The following HERC2 variants were observed in gnomAD, a reference collection of about 807,000 sequenced individuals.
HERC2 encodes E3 ubiquitin-protein ligase HERC2.
In HERC2, 102 loss-of-function variants were observed where a neutral mutation model predicts 537.7. The observed-to-expected ratio is 0.19, with a 90% CI of 0.16 to 0.22. HERC2 has a LOEUF of 0.22. Ranked by LOEUF, HERC2 falls within the 10% of genes least tolerant of loss-of-function variation. The pLI is 1.00. For missense variants in HERC2, 4,236 were observed against 6,198.2 expected (o/e 0.68, Z 10.63); for synonymous variants, 2,224 against 2,466.2 (o/e 0.90, Z 2.91).
intron 57 of HERC2, 148 bp from the exon 58 acceptor site, chr15:28,179,371 A>C (rs1214482569): frequency 1.5e-6 from 1 of 678,982 alleles, no homozygotes; most frequent in African/African-American, 1.8e-5. Context: ...ATACGATGGC[A>C]GTCCCAGTAG....
At chr15:28,140,096 T>A (rs1240983495) in intron 78 of HERC2, among the ~76,000 whole-genome samples, 1 of 151,150 alleles carries the variant, frequency 6.6e-6, no homozygotes, top group Non-Finnish European at 1.5e-5. Flanking sequence ...GAAGAAAACA[T>A]CTATGAAAGA....
At chr15:28,251,108 C>T (rs2075062217) in intron 20 of HERC2, among the ~76,000 whole-genome samples, 1 of 152,126 alleles carries the variant, frequency 6.6e-6, no homozygotes, top group African/African-American at 2.4e-5. Flanking sequence ...GCCGAGGACA[C>T]CAATGGAGCT....
intron 34 of HERC2, 55 bp from the exon 35 acceptor site, chr15:28,228,464 T>A: frequency 6.5e-7 from 1 of 1,536,510 alleles, no homozygotes; most frequent in Non-Finnish European, 9.0e-7. Flanking sequence ...AGAATAAACG[T>A]AACGCAGAAA....
intron 5 of HERC2, among the ~76,000 whole-genome samples, chr15:28,278,772 A>G (rs1438988735): frequency 1.3e-5 from 2 of 152,184 alleles, no homozygotes; most frequent in Non-Finnish European, 2.9e-5. Context: ...CAGGGAGTCA[A>G]AGTCACTATC....
At chr15:28,181,254 G>T (rs1895791734) in intron 57 of HERC2, among the ~76,000 whole-genome samples, 1 of 152,166 alleles carries the variant, frequency 6.6e-6, no homozygotes, top group Non-Finnish European at 1.5e-5. Context: ...CTCTGTCCTT[G>T]AAGTGAAAAC....
chr15:28,233,858 A>C, intron 27 of HERC2, 62 bp from the exon 28 acceptor site: 1 of 1,546,358 alleles, frequency 6.5e-7, no homozygotes, highest in Non-Finnish European at 8.9e-7. Context: ...CAAATCTTAA[A>C]CATGCCACAG....
At chr15:28,305,259 TTTCTAG>T (rs1244412156) in intron 2 of HERC2, among the ~76,000 whole-genome samples, 1 of 151,868 alleles carries the variant, frequency 6.6e-6, no homozygotes, top group African/African-American at 2.4e-5. Context: ...TCAAATGGTA[TTTCTAG>T]TTCTAGATCC....
At chr15:28,207,356 G>A (rs916769169) in intron 44 of HERC2, among the ~76,000 whole-genome samples, 2 of 152,038 alleles carry the variant, frequency 1.3e-5, no homozygotes, top group South Asian at 2.1e-4. Context: ...GGCTGGTCTC[G>A]AACTCCTGAC....
chr15:28,157,696 T>C (rs1444791206), intron 69 of HERC2, among the ~76,000 whole-genome samples: 4 of 152,238 alleles, frequency 2.6e-5, no homozygotes, highest in Non-Finnish European at 5.9e-5. Flanking sequence ...AACCAGCTCC[T>C]GGCTTCATTG....
chr15:28,255,582 G>A (rs959848885), intron 19 of HERC2, among the ~76,000 whole-genome samples: 3 of 152,172 alleles, frequency 2.0e-5, no homozygotes, highest in Non-Finnish European at 4.4e-5. Context: ...GGAGTATCCT[G>A]GCTGCAAGTG....
chr15:28,270,902 G>A, intron 9 of HERC2, 34 bp from the exon 10 acceptor site: 1 of 1,591,452 alleles, frequency 6.3e-7, no homozygotes, highest in African/African-American at 1.3e-5. Context: ...ATTCAGAAAT[G>A]GTGGGAAAAA....
rs1596430449 is a variant in HERC2, at chr15:28,299,369, A to G, written c.187+33T>C. The G allele has an allele frequency of 8.0e-6, 7 of 880,316 alleles. No individual in the cohort carries two copies. In the East Asian group the frequency reaches 1.4e-4, roughly 18 times the overall value. The allele number at this position is 880,316 out of a possible 1,614,324, so 54.5% of individuals were successfully genotyped here. The stretch of plus-strand genomic sequence containing the variant: ...TAAAATGCATTTTATAATGGTCTTT[A>G]CCAAATAAAAAACACTAGTTAAAGG... On this transcript the variant is annotated intron_variant, in intron 3 of 92. Transcript: ENST00000261609.
intron 69 of HERC2, among the ~76,000 whole-genome samples, chr15:28,162,615 G>T (rs1366244705): frequency 6.6e-6 from 1 of 152,084 alleles, no homozygotes; most frequent in Non-Finnish European, 1.5e-5. Flanking sequence ...AAGGGGCCAG[G>T]TTTGGTGCTC....
intron 2 of HERC2, among the ~76,000 whole-genome samples, chr15:28,309,489 T>G (rs961421528): frequency 1.3e-5 from 2 of 152,206 alleles, no homozygotes; most frequent in African/African-American, 2.4e-5. Flanking sequence ...TATGCTCTTT[T>G]GTGATTTCCA....
chr15:28,121,934 C>T (rs1390202996), intron 85 of HERC2, among the ~76,000 whole-genome samples: 1 of 138,712 alleles, frequency 7.2e-6, no homozygotes. Flanking sequence ...CAGGGAGCAC[C>T]GCGGAGCCAG....
At chr15:28,224,489 T>TA (rs771533446) in intron 35 of HERC2, among the ~76,000 whole-genome samples, 29 of 152,206 alleles carry the variant, frequency 1.9e-4, no homozygotes, top group Admixed American at 5.2e-4. Flanking sequence ...CCCAAAGTGC[T>TA]AGGATTACAG....
At chr15:28,153,519 C>T (rs368545305) in intron 69 of HERC2, among the ~76,000 whole-genome samples, 2 of 149,032 alleles carry the variant, frequency 1.3e-5, no homozygotes, top group African/African-American at 2.5e-5. Context: ...GGTATGGTGG[C>T]CCGTGCCTGT....
chr15:28,278,779 T>C (rs2075946325), intron 5 of HERC2, among the ~76,000 whole-genome samples: 1 of 152,206 alleles, frequency 6.6e-6, no homozygotes, highest in Non-Finnish European at 1.5e-5. Flanking sequence ...TCAAAGTCAC[T>C]ATCACAGTCA....
At chr15:28,266,867 C>T (rs1295984989) in intron 12 of HERC2, among the ~76,000 whole-genome samples, 1 of 152,092 alleles carries the variant, frequency 6.6e-6, no homozygotes, top group Non-Finnish European at 1.5e-5. Context: ...CTTGTCAAAA[C>T]CCATCCAACT....
Sources: gnomAD v4.1 joint callset for allele counts (sites outside exome capture counted in the v4.1 genomes callset) on GRCh38, gnomAD v4.1.1 for gene constraint, MANE v1.5 for transcripts, NCBI Gene and HGNC (gene_info 2026-07-23, HGNC 2026-07-21) for gene names.